The following RBFOX1 variants were observed in gnomAD, a reference collection of about 807,000 sequenced individuals.
RBFOX1 encodes RNA binding fox-1 homolog 1.
In RBFOX1, 8 loss-of-function variants were observed where a neutral mutation model predicts 57.7. That is an observed-to-expected ratio of 0.14 (90% CI 0.08 to 0.25). The LOEUF (loss-of-function observed/expected upper bound fraction) is 0.25, where lower values mean the gene tolerates loss of function less well. RBFOX1 is among the 10% of genes least tolerant of loss of function. The pLI is 1.00. For synonymous variants in RBFOX1, 326 were observed against 222.4 expected (o/e 1.47, Z -4.15); for missense variants, 611 against 548.5 (o/e 1.11, Z -1.14).
intron 1 of RBFOX1, among the ~76,000 whole-genome samples, chr16:5,417,401 T>G (rs989605127): frequency 1.3e-5 from 2 of 152,220 alleles, no homozygotes; most frequent in African/African-American, 4.8e-5. Flanking sequence ...AAGTCATTTC[T>G]TCCACCGAGG....
chr16:5,332,147 T>A (rs182254444), intron 1 of RBFOX1, among the ~76,000 whole-genome samples: 1 of 152,308 alleles, frequency 6.6e-6, no homozygotes, highest in African/African-American at 2.4e-5. Flanking sequence ...CTCCTTGGCT[T>A]CTCTTGAAGA....
chr16:6,263,425 G>A (rs953154424), intron 1 of RBFOX1, among the ~76,000 whole-genome samples: 1 of 152,076 alleles, frequency 6.6e-6, no homozygotes, highest in African/African-American at 2.4e-5. Flanking sequence ...TCAATTGGTT[G>A]GGGGAAAAAA....
intron 3 of RBFOX1, among the ~76,000 whole-genome samples, chr16:6,912,942 T>G (rs2072082596): frequency 6.6e-6 from 1 of 152,102 alleles, no homozygotes; most frequent in Admixed American, 6.5e-5. Context: ...TTTTTGGTCC[T>G]CAGGGGATCT....
chr16:7,643,738 C>T (rs1010008108), intron 11 of RBFOX1, among the ~76,000 whole-genome samples: 11 of 152,200 alleles, frequency 7.2e-5, no homozygotes, highest in African/African-American at 2.7e-4. Flanking sequence ...CCTTTGAACT[C>T]TTACCAGGAA....
chr16:7,392,242 C>G (rs1171732689), intron 4 of RBFOX1, among the ~76,000 whole-genome samples: 1 of 152,188 alleles, frequency 6.6e-6, no homozygotes, highest in African/African-American at 2.4e-5. Flanking sequence ...CCCTCCCTCC[C>G]TGAATCCTCT....
At chr16:7,618,480 C>A (rs945378793) in intron 10 of RBFOX1, among the ~76,000 whole-genome samples, 6 of 151,904 alleles carry the variant, frequency 3.9e-5, no homozygotes, top group Non-Finnish European at 7.4e-5. Context: ...GTGGTTTTCT[C>A]TAAATCTTTT....
rs868845701 is a variant in RBFOX1, at chr16:7,181,142, G to A, written c.27+129044G>A. On this transcript the variant is annotated intron_variant, in intron 4 of 15. Transcript: ENST00000550418. ...GGAGATAGGCTTTCAATCCTTCCTT[G>A]TCATGTGCCAGGTGGACGGCCTTGT... 3.9e-5 allele frequency among the ~76,000 whole-genome samples: 6 copies of A among 152,306 alleles called. No individual in the cohort carries two copies. In the South Asian group the frequency reaches 1.2e-3, roughly 32 times the overall value.
At chr16:6,706,245 C>T (rs539449642) in intron 3 of RBFOX1, among the ~76,000 whole-genome samples, 1 of 152,120 alleles carries the variant, frequency 6.6e-6, no homozygotes, top group Non-Finnish European at 1.5e-5. Context: ...CCTGGTCGCC[C>T]ATGTCCCAGT....
At chr16:7,035,801 G>A (rs1018665160) in intron 3 of RBFOX1, among the ~76,000 whole-genome samples, 5 of 152,058 alleles carry the variant, frequency 3.3e-5, no homozygotes, top group African/African-American at 1.2e-4. Context: ...CTTAAGTTGG[G>A]GGTTTTAAGA....
chr16:7,107,831 C>T (rs1022818753), intron 4 of RBFOX1, among the ~76,000 whole-genome samples: 1 of 152,126 alleles, frequency 6.6e-6, no homozygotes, highest in South Asian at 2.1e-4. Context: ...TCTTAAACAT[C>T]TCTAACAATA....
At chr16:6,114,813 C>G (rs1272137708) in intron 1 of RBFOX1, among the ~76,000 whole-genome samples, 1 of 152,156 alleles carries the variant, frequency 6.6e-6, no homozygotes, top group African/African-American at 2.4e-5. Flanking sequence ...CATGTGCAAG[C>G]AGATGGTGTT....
At chr16:5,727,439 C>T (rs1235777417) in intron 3 of RBFOX1, among the ~76,000 whole-genome samples, 1 of 152,194 alleles carries the variant, frequency 6.6e-6, no homozygotes, top group East Asian at 1.9e-4. Flanking sequence ...GTGAAACGCT[C>T]ACCACAATTG....
At chr16:7,588,296 C>T (rs1206337540) in intron 7 of RBFOX1, among the ~76,000 whole-genome samples, 3 of 152,226 alleles carry the variant, frequency 2.0e-5, no homozygotes, top group Non-Finnish European at 4.4e-5. Flanking sequence ...GGAATATCAG[C>T]ATCACCTAGG....
chr16:6,712,883 G>GT lies in RBFOX1; in HGVS notation c.-16+58258dup, dbSNP rs61328266. 6.6e-3 allele frequency among the ~76,000 whole-genome samples: 550 copies of GT among 82,958 alleles called. 9 individuals are homozygous for GT. Among genetic ancestry groups the GT allele is most frequent in the South Asian group, 0.053 (86 of 1,628 alleles). 54.4% of individuals were successfully genotyped at this position (82,958 alleles called of 152,430 possible). A position where few individuals can be genotyped will look rare whatever the true frequency, so the allele number is the denominator to read the frequency against. On this transcript the variant is annotated intron_variant, in intron 3 of 15. Coordinates refer to ENST00000550418, the MANE Select transcript of RBFOX1 (RefSeq NM_018723.4). The stretch of plus-strand genomic sequence containing the variant: ...TGGGAGGTAATTGAATCATGGGGGT[G>GT]TTTTTTTTTTTTTTTTTTTTTTTTT...
chr16:6,161,000 C>T (rs574673653), intron 1 of RBFOX1, among the ~76,000 whole-genome samples: 69 of 152,358 alleles, frequency 4.5e-4, no homozygotes, highest in Middle Eastern at 3.4e-3. Flanking sequence ...CAATGGAATG[C>T]GAGCTCCATG....
At chr16:7,191,406 G>A (rs2085355415) in intron 4 of RBFOX1, among the ~76,000 whole-genome samples, 1 of 151,858 alleles carries the variant, frequency 6.6e-6, no homozygotes. Flanking sequence ...GTGACAAATG[G>A]CGCCTCATGT....
At chr16:7,060,048 A>T (rs560662392) in intron 4 of RBFOX1, among the ~76,000 whole-genome samples, 3 of 152,178 alleles carry the variant, frequency 2.0e-5, no homozygotes, top group African/African-American at 7.2e-5. Flanking sequence ...ATTCTTTTCA[A>T]TGTGTCTTGA....
intron 3 of RBFOX1, among the ~76,000 whole-genome samples, chr16:6,933,730 A>G (rs1257273912): frequency 6.6e-6 from 1 of 152,188 alleles, no homozygotes; most frequent in African/African-American, 2.4e-5. Flanking sequence ...AACAAAAACA[A>G]ATTGGAAGAA....
At chr16:6,966,777 A>ATCTG (rs1242833315) in intron 3 of RBFOX1, among the ~76,000 whole-genome samples, 1,040 of 24,650 alleles carry the variant, frequency 0.042, 13 homozygotes, top group African/African-American at 0.096. Context: ...CTATCTATCT[A>ATCTG]TCTATCTATC....
Sources: gnomAD v4.1 joint callset for allele counts (sites outside exome capture counted in the v4.1 genomes callset) on GRCh38, gnomAD v4.1.1 for gene constraint, MANE v1.5 for transcripts, NCBI Gene and HGNC (gene_info 2026-07-23, HGNC 2026-07-21) for gene names.